The following NAV1 variants were observed in gnomAD, a reference collection of about 807,000 sequenced individuals.
The protein encoded by NAV1 is neuron navigator 1, also known as pore membrane and/or filament interacting like protein 3.
Under a neutral mutation model 175.2 loss-of-function variants are expected in NAV1, and 18 were observed. The observed-to-expected ratio is 0.10, with a 90% CI of 0.07 to 0.15. NAV1 has a LOEUF of 0.15. Among genes scored for constraint, NAV1 ranks in the 10% least tolerant of loss-of-function variants. The probability of loss-of-function intolerance (pLI) is 1.00; values close to 1 mark genes in which losing one functional copy is unlikely to be tolerated. For synonymous variants in NAV1, 897 were observed against 978.7 expected, an observed-to-expected ratio of 0.92 and a Z score of 1.56; for missense variants, 1,731 against 2,436.6, an observed-to-expected ratio of 0.71 and a Z score of 6.10.
At chr1:201,628,405 T>C (rs1668396455) in intron 1 of NAV1, among the ~76,000 whole-genome samples, 1 of 152,066 alleles carries the variant, frequency 6.6e-6, no homozygotes, top group Non-Finnish European at 1.5e-5. Flanking sequence ...TTTCACCCCA[T>C]GATGGAAGCC....
In NAV1 at chr1:201,698,487, C is replaced by T. The variant is rs534289619; in HGVS notation, c.758-14330C>T. Among the ~76,000 whole-genome samples, 6 of 152,326 alleles carry T rather than the reference C, an allele frequency of 3.9e-5. No homozygotes were observed. In the East Asian group the frequency reaches 7.7e-4, roughly 20 times the overall value. On this transcript the variant is annotated intron_variant, in intron 1 of 29. Coordinates refer to ENST00000367296, the Ensembl canonical transcript of NAV1. Reference sequence around the variant, plus strand: ...TGGTGGATAATCAGTGCTTCAGAGGCGGTGATGTTCACTCATTTGATGTGT... The same window carrying T: ...TGGTGGATAATCAGTGCTTCAGAGGTGGTGATGTTCACTCATTTGATGTGT...
At chr1:201,607,086 T>C (rs1031057718) in intron 2 of NAV1, among the ~76,000 whole-genome samples, 2 of 151,704 alleles carry the variant, frequency 1.3e-5, no homozygotes, top group African/African-American at 2.4e-5. Context: ...CAATGGCTAG[T>C]GGTGGTAAAG....
chr1:201,748,650 A>G (rs2102587815), intron 3 of NAV1, among the ~76,000 whole-genome samples: 2 of 152,360 alleles, frequency 1.3e-5, no homozygotes, highest in East Asian at 3.9e-4. Context: ...GAATTTGCAC[A>G]GAGCTATTCA....
intron 3 of NAV1, among the ~76,000 whole-genome samples, chr1:201,744,353 C>T (rs190596117): frequency 6.7e-6 from 1 of 149,976 alleles, no homozygotes; most frequent in African/African-American, 2.4e-5. Flanking sequence ...TTTATTCATT[C>T]ATTCATTCAA....
chr1:201,803,030 C>T (rs1271967535), intron 15 of NAV1, among the ~76,000 whole-genome samples: 2 of 152,220 alleles, frequency 1.3e-5, no homozygotes, highest in African/African-American at 2.4e-5. Context: ...AGTACTCAGA[C>T]ATCTCCTTTG....
At chr1:201,799,066 A>G (rs929966938) in intron 15 of NAV1, among the ~76,000 whole-genome samples, 5 of 152,062 alleles carry the variant, frequency 3.3e-5, no homozygotes, top group African/African-American at 1.2e-4. Context: ...TAGAAAGTAC[A>G]TCCATCTTCA....
chr1:201,622,118 C>T (rs12041236), upstream of NAV1, among the ~76,000 whole-genome samples: 254 of 148,340 alleles, frequency 1.7e-3, 3 homozygotes, highest in East Asian at 0.047. Context: ...ACGAGGGTGG[C>T]AGGAGGTGGC....
chr1:201,663,636 A>G (rs1463132301), intron 1 of NAV1, among the ~76,000 whole-genome samples: 1 of 152,138 alleles, frequency 6.6e-6, no homozygotes, highest in Non-Finnish European at 1.5e-5. Context: ...AGCTGGGAGG[A>G]CATCTGGGGA....
chr1:201,815,910 G>C (rs1264720844), intron 28 of NAV1, among the ~76,000 whole-genome samples: 2 of 151,792 alleles, frequency 1.3e-5, no homozygotes, highest in African/African-American at 4.8e-5. Context: ...GGCTAATTTT[G>C]TATTTTTAGT....
intron 2 of NAV1, among the ~76,000 whole-genome samples, chr1:201,593,753 A>G (rs1257770502): frequency 6.6e-6 from 1 of 152,182 alleles, no homozygotes; most frequent in East Asian, 1.9e-4. Flanking sequence ...TCCCACCATC[A>G]AACTGTGGCT....
chr1:201,753,448 G>A (rs6701699), intron 3 of NAV1, among the ~76,000 whole-genome samples: 5,368 of 152,244 alleles, frequency 0.035, 154 homozygotes, highest in African/African-American at 0.081. Flanking sequence ...TACTGTCTGC[G>A]ATTGAAGAGT....
At position 201,661,909 on chromosome 1, in the gene NAV1, C is replaced by T. The variant is rs191993969; in HGVS notation, c.757+12484C>T. ...TATATGTTATGCACCAGGCACTGTTCTAAGCACTTTACACGTATTCAGTCA... is the reference window on the plus strand; with the variant it reads ...TATATGTTATGCACCAGGCACTGTTTTAAGCACTTTACACGTATTCAGTCA... On this transcript the variant is annotated intron_variant, in intron 1 of 29. Coordinates refer to ENST00000367296, the Ensembl canonical transcript of NAV1. Among the ~76,000 whole-genome samples, 906 of 152,372 alleles carry T rather than the reference C, an allele frequency of 5.9e-3. 10 individuals are homozygous for T. Among genetic ancestry groups the T allele is most frequent in the African/African-American group, 0.021 (864 of 41,592 alleles).
chr1:201,735,156 A>G (rs55649131), intron 3 of NAV1, among the ~76,000 whole-genome samples: 59,065 of 151,840 alleles, frequency 0.39, 11,711 homozygotes, highest in Non-Finnish European at 0.42. Flanking sequence ...TCTCCCATCT[A>G]CCTTCCAAAC....
intron 24 of NAV1, among the ~76,000 whole-genome samples, chr1:201,811,277 A>G (rs1678676885): frequency 6.6e-6 from 1 of 152,172 alleles, no homozygotes; most frequent in African/African-American, 2.4e-5. Flanking sequence ...CCCTAATACA[A>G]TGGAGTTGGT....
rs1235513246 is a variant in NAV1 at position 201,770,509 on chromosome 1, AAGC to A, written c.1227-9911_1227-9909del. 1.1e-3 allele frequency among the ~76,000 whole-genome samples: 171 copies of A among 152,338 alleles called. 2 individuals carry two copies. The highest frequency in any genetic ancestry group is 3.9e-3 in the African/African-American group (161 of 41,572). On this transcript the variant is annotated intron_variant, in intron 3 of 29. Coordinates refer to ENST00000367296, the Ensembl canonical transcript of NAV1. The stretch of plus-strand genomic sequence containing the variant: ...TCACTCTCATCTTAACAACAAGGCT[AAGC>A]TGGATAAGCAACAAACATAACTTTT...
intron 1 of NAV1, among the ~76,000 whole-genome samples, chr1:201,658,205 G>C (rs983029639): frequency 6.6e-6 from 1 of 152,156 alleles, no homozygotes; most frequent in Non-Finnish European, 1.5e-5. Flanking sequence ...GCAGAGCACT[G>C]TGCTTCCTGA....
intron 1 of NAV1, among the ~76,000 whole-genome samples, chr1:201,551,198 T>C (rs1466186783): frequency 1.3e-5 from 2 of 152,180 alleles, no homozygotes; most frequent in East Asian, 3.8e-4. Context: ...TCCAGGGTCA[T>C]GTATAGCAGA....
chr1:201,668,560 C>T (rs142144674), intron 1 of NAV1, among the ~76,000 whole-genome samples: 15 of 152,158 alleles, frequency 9.9e-5, no homozygotes, highest in East Asian at 5.8e-4. Flanking sequence ...TATGGGGTGC[C>T]GCTGTGGAAG....
At chr1:201,582,129 T>C (rs763467921) in intron 1 of NAV1, among the ~76,000 whole-genome samples, 1 of 152,196 alleles carries the variant, frequency 6.6e-6, no homozygotes, top group African/African-American at 2.4e-5. Context: ...AGAGCTGCCA[T>C]GTTTCACAAG....
Sources: allele counts gnomAD v4.1 joint callset (sites outside exome capture counted in the v4.1 genomes callset), GRCh38; gene constraint gnomAD v4.1.1; transcripts MANE v1.5; gene names NCBI Gene and HGNC (gene_info 2026-07-23, HGNC 2026-07-21).